The following SERAC1 variants were observed in gnomAD, a reference collection of about 807,000 sequenced individuals.
SERAC1 encodes the protein protein SERAC1.
In SERAC1, 36 loss-of-function variants were observed where a neutral mutation model predicts 85.7. The ratio of observed to expected loss-of-function variants is 0.42; its 90% CI spans 0.32 to 0.55. The LOEUF is 0.55. Ranked by LOEUF, SERAC1 falls within the 20% of genes least tolerant of loss-of-function variation. SERAC1 has a pLI of 0.11. For synonymous variants in SERAC1, 242 were observed against 265.3 expected (o/e 0.91, Z 0.85); for missense variants, 629 against 796.2 (o/e 0.79, Z 2.53).
At chr6:158,163,086 C>T (rs1005189080) in intron 1 of SERAC1, among the ~76,000 whole-genome samples, 10 of 152,094 alleles carry the variant, frequency 6.6e-5, no homozygotes, top group African/African-American at 1.7e-4. Flanking sequence ...GTCCAATATC[C>T]CCATTAATGA....
chr6:158,113,203 T>G (rs1391392592), intron 16 of SERAC1: 1 of 441,866 alleles, frequency 2.3e-6, no homozygotes, highest in Admixed American at 3.9e-5. Flanking sequence ...GATGCCTAAC[T>G]TAGAGTTAGC....
chr6:158,148,003 AC>A (rs1383330338), intron 5 of SERAC1, among the ~76,000 whole-genome samples: 2 of 152,108 alleles, frequency 1.3e-5, no homozygotes, highest in Admixed American at 6.6e-5. Context: ...CTATTATCAC[AC>A]CCAAAAACAC....
intron 10 of SERAC1, among the ~76,000 whole-genome samples, chr6:158,124,216 C>A (rs890020259): frequency 6.6e-6 from 1 of 152,052 alleles, no homozygotes; most frequent in Non-Finnish European, 1.5e-5. Context: ...TTAGTCTCCA[C>A]CTCATCAATG....
At chr6:158,111,617 C>A in intron 16 of SERAC1, 115 bp from the exon 17 acceptor site, 1 of 742,158 alleles carries the variant, frequency 1.3e-6, no homozygotes. Context: ...TGACAAGGGA[C>A]TCTTAAAAGA....
chr6:158,114,306 T>C lies in SERAC1; in HGVS notation c.1684+483A>G, dbSNP rs186012933. Among the ~76,000 whole-genome samples, 202 of 151,900 alleles carry C rather than the reference T, an allele frequency of 1.3e-3. 1 individual carries two copies. The highest frequency in any genetic ancestry group is 4.7e-3 in the African/African-American group (193 of 41,430). On this transcript the variant is annotated intron_variant, in intron 15 of 16. Transcript: ENST00000647468. ...TCCATAAAGTAGAACAAAGAGAAAA[T>C]AGGAGCAAAAAGACACCTGGTATAT...
intron 3 of SERAC1, among the ~76,000 whole-genome samples, chr6:158,151,343 C>T (rs1785199141): frequency 6.6e-6 from 1 of 152,170 alleles, no homozygotes; most frequent in East Asian, 1.9e-4. Flanking sequence ...CCCAGGAGTT[C>T]AAGCCTGCGG....
intron 2 of SERAC1, among the ~76,000 whole-genome samples, chr6:158,157,908 C>A (rs996083417): frequency 6.6e-6 from 1 of 152,168 alleles, no homozygotes; most frequent in Non-Finnish European, 1.5e-5. Context: ...AGCCATATCC[C>A]GAGCCCCCGT....
intron 3 of SERAC1, among the ~76,000 whole-genome samples, chr6:158,155,026 G>C (rs1289268162): frequency 2.0e-5 from 3 of 152,144 alleles, no homozygotes; most frequent in African/African-American, 7.2e-5. Flanking sequence ...AAGTGTGTCA[G>C]AGCTAAGTGA....
chr6:158,165,719 T>C (rs1312900344), intron 1 of SERAC1, among the ~76,000 whole-genome samples: 1 of 152,202 alleles, frequency 6.6e-6, no homozygotes, highest in Admixed American at 6.5e-5. Context: ...AAAAAACAGA[T>C]GTTGCCCTTG....
rs6922040 is a variant in SERAC1 at position 158,146,553 on chromosome 6, C to T, written c.487+229G>A. On this transcript the variant is annotated intron_variant, in intron 6 of 16. Coordinates refer to ENST00000647468, the MANE Select transcript of SERAC1 (RefSeq NM_032861.4). The stretch of plus-strand genomic sequence containing the variant: ...CCTCTCGAGTAGCTGGGACTACAGA[C>T]GCCCGCCACCATGCCTGGCTAATTT... 10,489 of 351,314 alleles carry T rather than the reference C, an allele frequency of 0.03. 1,049 individuals are homozygous for T. Among genetic ancestry groups the T allele is most frequent in the African/African-American group, 0.21 (9,683 of 46,038 alleles). The allele number at this position is 351,314 out of a possible 1,614,324, so 21.8% of individuals were successfully genotyped here. A position where few individuals can be genotyped will look rare whatever the true frequency, so the allele number is the denominator to read the frequency against.
intron 6 of SERAC1, chr6:158,145,264 C>T (rs13202019): frequency 0.15 from 23,480 of 152,016 alleles, 2,221 homozygotes; most frequent in Middle Eastern, 0.3. Context: ...TAATAATAAC[C>T]TGGGTGAGTA....
At chr6:158,128,619 T>G (rs146790060) in intron 9 of SERAC1, among the ~76,000 whole-genome samples, 1 of 152,216 alleles carries the variant, frequency 6.6e-6, no homozygotes, top group Non-Finnish European at 1.5e-5. Flanking sequence ...TTAAAACAGT[T>G]CTCACCTTGA....
intron 3 of SERAC1, chr6:158,152,876 G>C (rs1045278184): frequency 2.0e-5 from 3 of 152,164 alleles, no homozygotes; most frequent in African/African-American, 7.2e-5. Context: ...ACTCTGTGAT[G>C]ATTGCACAAC....
intron 16 of SERAC1, chr6:158,111,998 A>T (rs1378644474): frequency 2.0e-5 from 3 of 152,908 alleles, no homozygotes; most frequent in African/African-American, 7.2e-5. Flanking sequence ...AAGTGATAAG[A>T]GGTACTAGTG....
chr6:158,139,441 A>G (rs1173367380), intron 8 of SERAC1, among the ~76,000 whole-genome samples: 1 of 152,228 alleles, frequency 6.6e-6, no homozygotes, highest in African/African-American at 2.4e-5. Flanking sequence ...ATATCTAATA[A>G]GAGATTTGTA....
intron 8 of SERAC1, among the ~76,000 whole-genome samples, chr6:158,142,481 CT>C (rs797011235): frequency 0.037 from 5,211 of 139,076 alleles, 247 homozygotes; most frequent in African/African-American, 0.12. Context: ...CCTATTCATT[CT>C]TTTTTTTTTT....
At chr6:158,157,082 C>A (rs1785371522) in intron 2 of SERAC1, among the ~76,000 whole-genome samples, 1 of 150,842 alleles carries the variant, frequency 6.6e-6, no homozygotes, top group East Asian at 1.9e-4. Flanking sequence ...CTGCAATCTC[C>A]ACCTCCTGGG....
Position 158,117,325 on chromosome 6 carries a change from CA to C in SERAC1, c.1403+401del. ...CACTCCTTCCCATGTATACAACTGGCACAGATGACATACAAGGGAAATAGCA... is the reference window on the plus strand; with the variant it reads ...CACTCCTTCCCATGTATACAACTGGCCAGATGACATACAAGGGAAATAGCA... On this transcript the variant is annotated intron_variant, in intron 13 of 16. Coordinates refer to ENST00000647468, the MANE Select transcript of SERAC1 (RefSeq NM_032861.4). The surrounding 1 kb of genome is among the most constrained non-coding windows in gnomAD (Gnocchi z 4.3). 1 of 605,876 alleles carries C rather than the reference CA, an allele frequency of 1.7e-6. No homozygotes were observed. The highest frequency in any genetic ancestry group is 2.9e-6 in the Non-Finnish European group (1 of 348,534). The allele number at this position is 605,876 out of a possible 1,614,324, so 37.5% of individuals were successfully genotyped here. A position where few individuals can be genotyped will look rare whatever the true frequency, so the allele number is the denominator to read the frequency against.
At position 158,117,381 on chromosome 6, in the gene SERAC1, C is replaced by A. The variant is rs902671277; in HGVS notation, c.1403+346G>T. On this transcript the variant is annotated intron_variant, in intron 13 of 16. Coordinates refer to ENST00000647468, the MANE Select transcript of SERAC1 (RefSeq NM_032861.4). The surrounding 1 kb of genome is among the most constrained non-coding windows in gnomAD (Gnocchi z 4.3). Reference sequence around the variant, plus strand: ...ATATTTCTCAGCATCTTTCTCTTTGCTTCCTTTAGCCAGTATGATTGTGGA... The same window carrying A: ...ATATTTCTCAGCATCTTTCTCTTTGATTCCTTTAGCCAGTATGATTGTGGA... 5 of 772,022 alleles carry A rather than the reference C, an allele frequency of 6.5e-6. No individual in the cohort carries two copies. The highest frequency in any genetic ancestry group is 3.7e-4 in the Middle Eastern group (1 of 2,678). 47.8% of individuals were successfully genotyped at this position (772,022 alleles called of 1,614,324 possible).
Sources: allele counts gnomAD v4.1 joint callset (sites outside exome capture counted in the v4.1 genomes callset), GRCh38; gene constraint gnomAD v4.1.1; non-coding constraint Gnocchi (gnomAD v3.1); transcripts MANE v1.5; gene names NCBI Gene and HGNC (gene_info 2026-07-23, HGNC 2026-07-21).